Variants in COL14A1 observed in about 807,000 individuals in gnomAD.
COL14A1 encodes the protein collagen type XIV alpha 1 chain, also known as collagen alpha-1(XIV) chain.
In COL14A1, 136 loss-of-function variants were observed where a neutral mutation model predicts 230.3. The observed-to-expected ratio is 0.59, with a 90% CI of 0.51 to 0.68. The LOEUF (loss-of-function observed/expected upper bound fraction) is 0.68, where lower values mean the gene tolerates loss of function less well. COL14A1 is among the 30% of genes least tolerant of loss of function. COL14A1 has a pLI of 0.00. For synonymous variants in COL14A1, 792 were observed against 784.1 expected (o/e 1.01, Z -0.17); for missense variants, 1,976 against 2,215.8 (o/e 0.89, Z 2.17).
At chr8:120,148,492 GTTATGATATCAGTTA>G (rs896624169) in intron 2 of COL14A1, among the ~76,000 whole-genome samples, 10 of 152,068 alleles carry the variant, frequency 6.6e-5, no homozygotes, top group Non-Finnish European at 1.5e-4. Flanking sequence ...AAATTTTTAT[GTTATGATATCAGTTA>G]TATTAATAAT....
At chr8:120,317,082 A>T (rs766206661) in intron 40 of COL14A1, among the ~76,000 whole-genome samples, 1 of 152,228 alleles carries the variant, frequency 6.6e-6, no homozygotes, top group Non-Finnish European at 1.5e-5. Flanking sequence ...CGATTTAGAC[A>T]TGTGAGCAGC....
chr8:120,169,818 AAT>A (rs766882823), intron 5 of COL14A1, among the ~76,000 whole-genome samples: 39 of 152,142 alleles, frequency 2.6e-4, no homozygotes, highest in Admixed American at 1.2e-3. Flanking sequence ...CAACTTATTA[AAT>A]ATGTTAGATA....
chr8:120,214,039 A>G (rs77799027), intron 13 of COL14A1: 1 of 282,672 alleles, frequency 3.5e-6, no homozygotes, highest in East Asian at 1.3e-4. Flanking sequence ...GTTAGGAAAC[A>G]TCATGCTTCG....
rs116240208 is a variant in COL14A1, at chr8:120,363,484, C to T, written c.5078-3687C>T. ...AGCTAATGTGTGTGGGGCTTAAAAC[C>T]TAGGTGATGTGTTGATAGGTGCAGC... On this transcript the variant is annotated intron_variant, in intron 45 of 47. Transcript: ENST00000297848. Among the ~76,000 whole-genome samples, 573 of 152,270 alleles carry T rather than the reference C, an allele frequency of 3.8e-3. 4 individuals carry two copies. Among genetic ancestry groups the T allele is most frequent in the African/African-American group, 0.013 (547 of 41,550 alleles).
chr8:120,133,149 G>A (rs1484458475), intron 1 of COL14A1, among the ~76,000 whole-genome samples: 1 of 151,594 alleles, frequency 6.6e-6, no homozygotes, highest in Non-Finnish European at 1.5e-5. Context: ...CCGGGAGGCG[G>A]AGCTTGCAGT....
chr8:120,279,863 G>A (rs998938345), intron 28 of COL14A1, 72 bp from the exon 29 acceptor site: 7 of 1,516,040 alleles, frequency 4.6e-6, no homozygotes, highest in African/African-American at 4.2e-5. Context: ...ACAGTTGGAT[G>A]TGTCTTATAT....
At chr8:120,182,939 G>T (rs1447904609) in intron 5 of COL14A1, among the ~76,000 whole-genome samples, 1 of 151,800 alleles carries the variant, frequency 6.6e-6, no homozygotes, top group Non-Finnish European at 1.5e-5. Context: ...ATTGCCCAGG[G>T]TGGTCTCAAA....
chr8:120,242,454 C>A lies in COL14A1; in HGVS notation c.2350-1425C>A, dbSNP rs1402653939. 2.0e-5 allele frequency among the ~76,000 whole-genome samples: 3 copies of A among 152,304 alleles called. No individual in the cohort carries two copies. In the East Asian group the frequency reaches 5.8e-4, roughly 29 times the overall value. ...TTTGAAAGAAGACATTATTTAACAT[C>A]AACATGGGTGGTTTGTTAGATGGAC... On this transcript the variant is annotated intron_variant, in intron 19 of 47. Transcript: ENST00000297848.
intron 38 of COL14A1, among the ~76,000 whole-genome samples, chr8:120,315,329 C>T (rs1190386203): frequency 7.1e-6 from 1 of 141,610 alleles, no homozygotes; most frequent in African/African-American, 2.7e-5. Context: ...AAGATCGTGT[C>T]ACTGCACTCC....
chr8:120,285,998 C>A (rs2129935218), intron 33 of COL14A1, 28 bp downstream of exon 33: 4 of 1,231,688 alleles, frequency 3.2e-6, no homozygotes, highest in South Asian at 1.2e-5. Context: ...TGCATATATT[C>A]TTTATTCTAT....
intron 29 of COL14A1, 128 bp from the exon 30 acceptor site, chr8:120,280,583 T>G (rs1820003189): frequency 1.1e-6 from 1 of 883,516 alleles, no homozygotes; most frequent in Non-Finnish European, 1.8e-6. Flanking sequence ...ATAGTCACAT[T>G]TGATTTGTAT....
intron 36 of COL14A1, among the ~76,000 whole-genome samples, chr8:120,301,654 A>G (rs1820713991): frequency 6.6e-6 from 1 of 152,130 alleles, no homozygotes; most frequent in Non-Finnish European, 1.5e-5. Flanking sequence ...GAATAGTGCT[A>G]CAGTGAACAT....
chr8:120,278,105 C>T lies in COL14A1; in HGVS notation c.3214-6C>T, dbSNP rs1563712788. ...GTGTGAAAATGAATACACCTTCTCT[C>T]TCCAGGTTGCAATGGTTCAGTTCAC... On this transcript the variant is annotated splice_polypyrimidine_tract_variant and splice_region_variant and intron_variant, in intron 26 of 47. Coordinates refer to ENST00000297848, the MANE Select transcript of COL14A1 (RefSeq NM_021110.4). 1.2e-6 allele frequency: 2 copies of T among 1,600,116 alleles called. No individual in the cohort carries two copies. The highest frequency in any genetic ancestry group is 1.3e-5 in the African/African-American group (1 of 74,128).
intron 34 of COL14A1, among the ~76,000 whole-genome samples, chr8:120,295,149 A>G (rs1297917525): frequency 6.6e-6 from 1 of 151,896 alleles, no homozygotes; most frequent in African/African-American, 2.4e-5. Context: ...AAATTTCTTA[A>G]TGGATAAATG....
intron 5 of COL14A1, among the ~76,000 whole-genome samples, chr8:120,188,614 T>G (rs1462067041): frequency 6.6e-6 from 1 of 152,234 alleles, no homozygotes; most frequent in South Asian, 2.1e-4. Context: ...TTCAGCTGCT[T>G]AGGCATTTTT....
intron 37 of COL14A1, 58 bp from the exon 38 acceptor site, chr8:120,313,874 T>C (rs1350194192): frequency 2.9e-6 from 3 of 1,017,634 alleles, no homozygotes; most frequent in East Asian, 2.5e-5. Flanking sequence ...AGAAATATTT[T>C]CTAGATGTCA....
chr8:120,202,945 T>C (rs1817297342), intron 8 of COL14A1, among the ~76,000 whole-genome samples: 1 of 147,246 alleles, frequency 6.8e-6, no homozygotes. Flanking sequence ...TAATTTTCCC[T>C]AGCTTTCTCC....
At chr8:120,231,891 G>A (rs1258083488) in intron 19 of COL14A1, 3 of 321,290 alleles carry the variant, frequency 9.3e-6, no homozygotes, top group East Asian at 5.7e-5. Context: ...GCACCTGTTC[G>A]AGCACCAAAG....
chr8:120,322,087 C>T (rs1399622202), intron 40 of COL14A1, among the ~76,000 whole-genome samples: 4 of 151,422 alleles, frequency 2.6e-5, no homozygotes, highest in Non-Finnish European at 5.9e-5. Context: ...TATATATATA[C>T]ACATTTAAAT....
Sources: gnomAD v4.1 joint callset for allele counts (sites outside exome capture counted in the v4.1 genomes callset) on GRCh38, gnomAD v4.1.1 for gene constraint, MANE v1.5 for transcripts, NCBI Gene and HGNC (gene_info 2026-07-23, HGNC 2026-07-21) for gene names.